GPHN: variants seen among roughly 807,000 people sequenced by gnomAD.
GPHN encodes the protein gephyrin.
In GPHN, 17 loss-of-function variants were observed where a neutral mutation model predicts 95.5. That is an observed-to-expected ratio of 0.18 (90% CI 0.12 to 0.27). The LOEUF (loss-of-function observed/expected upper bound fraction) is 0.27, where lower values mean the gene tolerates loss of function less well. Ranked by LOEUF, GPHN falls within the 10% of genes least tolerant of loss-of-function variation. The probability of loss-of-function intolerance (pLI) is 1.00; values close to 1 mark genes in which losing one functional copy is unlikely to be tolerated. For synonymous variants in GPHN, 320 were observed against 322.5 expected (o/e 0.99, Z 0.08); for missense variants, 660 against 978.1 (o/e 0.67, Z 4.34).
chr14:67,180,654 C>T (rs1026857892), intron 22 of GPHN, 150 bp from the exon 23 acceptor site: 20 of 707,756 alleles, frequency 2.8e-5, no homozygotes, highest in Admixed American at 2.5e-4. Flanking sequence ...AATAGCATGG[C>T]CACCTGAAAA....
intron 3 of GPHN, among the ~76,000 whole-genome samples, chr14:66,818,265 C>G (rs1934609912): frequency 6.6e-6 from 1 of 152,024 alleles, no homozygotes; most frequent in African/African-American, 2.4e-5. Context: ...CTCCTCTCAC[C>G]CTCCACCCTT....
the GPHN span, among the ~76,000 whole-genome samples, chr14:67,513,594 C>T: frequency 6.6e-6 from 1 of 152,196 alleles, no homozygotes; most frequent in Admixed American, 6.5e-5. Flanking sequence ...GGCTAAGTGT[C>T]ATCTCAGCAC....
chr14:67,591,525 TTATTA>T, the GPHN span, among the ~76,000 whole-genome samples: 1 of 152,210 alleles, frequency 6.6e-6, no homozygotes, highest in Non-Finnish European at 1.5e-5. Flanking sequence ...ATTTTGTAAT[TTATTA>T]TGTTTGTATA....
At chr14:66,923,214 C>A (rs2066308037) in intron 7 of GPHN, among the ~76,000 whole-genome samples, 1 of 152,086 alleles carries the variant, frequency 6.6e-6, no homozygotes, top group Non-Finnish European at 1.5e-5. Flanking sequence ...CATTTTAGAA[C>A]TCTTTGGAGA....
the GPHN span, among the ~76,000 whole-genome samples, chr14:67,400,607 C>A: frequency 6.6e-6 from 1 of 152,066 alleles, no homozygotes; most frequent in African/African-American, 2.4e-5. Context: ...AAACTGCTGG[C>A]ACCCAAGGCT....
At chr14:67,265,878 A>G in the GPHN span, among the ~76,000 whole-genome samples, 1 of 151,992 alleles carries the variant, frequency 6.6e-6, no homozygotes, top group East Asian at 1.9e-4. Context: ...AAAAGGAAAA[A>G]AGAAAACAAA....
chr14:67,498,672 G>C, the GPHN span, among the ~76,000 whole-genome samples: 1 of 152,062 alleles, frequency 6.6e-6, no homozygotes, highest in Non-Finnish European at 1.5e-5. Flanking sequence ...GTTGTTGTTG[G>C]TTTTCCTTTT....
the GPHN span, among the ~76,000 whole-genome samples, chr14:67,319,734 G>A: frequency 2.0e-5 from 3 of 152,184 alleles, no homozygotes; most frequent in Non-Finnish European, 2.9e-5. Context: ...CGGGTTGGAC[G>A]AGCTTGAACT....
chr14:67,248,605 G>A, the GPHN span, among the ~76,000 whole-genome samples: 1 of 152,014 alleles, frequency 6.6e-6, no homozygotes, highest in Non-Finnish European at 1.5e-5. Context: ...AGGCCTCCAG[G>A]GTTCTTGGCA....
the GPHN span, among the ~76,000 whole-genome samples, chr14:67,693,492 T>G: frequency 4.0e-5 from 6 of 150,534 alleles, no homozygotes; most frequent in African/African-American, 7.3e-5. Context: ...TATGAAAGCT[T>G]GTGACTCTGG....
Position 66,553,059 on chromosome 14 carries a change from T to C in GPHN, c.64+44468T>C, listed in dbSNP as rs369898369. On this transcript the variant is annotated intron_variant, in intron 1 of 22. Transcript: ENST00000478722. ...AGGCTGGAGTGCAGTGGCACGATCT[T>C]GGCTCACTGTAACCTCCGCCTCCCA... is the stretch of plus-strand genomic sequence containing the variant. Among the ~76,000 whole-genome samples the C allele has an allele frequency of 2.7e-4, 41 of 150,494 alleles. 2 individuals carry two copies. The highest frequency in any genetic ancestry group is 9.7e-4 in the African/African-American group (39 of 40,332).
At chr14:67,098,839 AAAAG>A (rs1476239941) in intron 12 of GPHN, among the ~76,000 whole-genome samples, 13 of 151,842 alleles carry the variant, frequency 8.6e-5, no homozygotes, top group Admixed American at 2.0e-4. Flanking sequence ...AAAAAAAAGA[AAAAG>A]AGAGAGAGAA....
At chr14:67,334,808 CACTT>C in the GPHN span, 5 of 152,246 alleles carry the variant, frequency 3.3e-5, no homozygotes, top group African/African-American at 1.2e-4. Flanking sequence ...ATATACTTAG[CACTT>C]ACTTAATCTT....
At chr14:67,552,584 G>A in the GPHN span, among the ~76,000 whole-genome samples, 2 of 152,066 alleles carry the variant, frequency 1.3e-5, no homozygotes, top group Admixed American at 6.6e-5. Flanking sequence ...TGGCTAACAC[G>A]GTGAAACCCC....
chr14:67,706,954 G>C, the GPHN span, among the ~76,000 whole-genome samples: 1 of 152,152 alleles, frequency 6.6e-6, no homozygotes, highest in Non-Finnish European at 1.5e-5. Flanking sequence ...GGGGGAGGAA[G>C]GGATACAAAC....
chr14:66,636,801 A>G (rs149673461), intron 1 of GPHN, among the ~76,000 whole-genome samples: 7 of 152,208 alleles, frequency 4.6e-5, no homozygotes, highest in Non-Finnish European at 1.0e-4. Flanking sequence ...TTTATAGAAT[A>G]TATAATAAGG....
intron 5 of GPHN, among the ~76,000 whole-genome samples, chr14:66,882,837 T>C (rs545164470): frequency 6.6e-6 from 1 of 151,690 alleles, no homozygotes; most frequent in Non-Finnish European, 1.5e-5. Flanking sequence ...CTGGGTTGAC[T>C]GTTCTTTTCT....
intron 1 of GPHN, among the ~76,000 whole-genome samples, chr14:66,546,052 G>A (rs1404570199): frequency 2.6e-5 from 4 of 151,118 alleles, no homozygotes; most frequent in Non-Finnish European, 4.4e-5. Context: ...CCTCCCAGAC[G>A]GGGTTGCGGC....
chr14:67,687,634 G>A, the GPHN span, among the ~76,000 whole-genome samples: 147 of 151,918 alleles, frequency 9.7e-4, 1 homozygote, highest in African/African-American at 3.4e-3. Flanking sequence ...AACATGCCCG[G>A]CTAATTTTGT....
Sources: gnomAD v4.1 joint callset for allele counts (sites outside exome capture counted in the v4.1 genomes callset) on GRCh38, gnomAD v4.1.1 for gene constraint, MANE v1.5 for transcripts, NCBI Gene and HGNC (gene_info 2026-07-23, HGNC 2026-07-21) for gene names.